Variants in LRRC4C observed in about 807,000 individuals in gnomAD.
The protein encoded by LRRC4C is leucine rich repeat containing 4C.
A neutral mutation model predicts 33.6 loss-of-function variants in LRRC4C; 5 were observed. The observed-to-expected ratio is 0.15, with a 90% CI of 0.08 to 0.31. The LOEUF (loss-of-function observed/expected upper bound fraction) is 0.31. LRRC4C is among the 10% of genes least tolerant of loss of function. LRRC4C has a pLI of 1.00. For missense variants in LRRC4C, 560 were observed against 796.7 expected, an observed-to-expected ratio of 0.70 and a Z score of 3.58; for synonymous variants, 329 against 302.0, an observed-to-expected ratio of 1.09 and a Z score of -0.93.
chr11:41,099,712 T>C (rs1380274684), intron 1 of LRRC4C, among the ~76,000 whole-genome samples: 7 of 152,252 alleles, frequency 4.6e-5, no homozygotes, highest in East Asian at 1.9e-4. Context: ...GAGCTATCTA[T>C]GACAAACCCA....
chr11:41,230,234 A>C (rs1276365783), intron 1 of LRRC4C, among the ~76,000 whole-genome samples: 1 of 152,064 alleles, frequency 6.6e-6, no homozygotes, highest in Non-Finnish European at 1.5e-5. Flanking sequence ...AACCTGTTTT[A>C]TGGGTTATAG....
At chr11:41,325,575 TTTTGTGTGTG>T (rs1184931467) in intron 1 of LRRC4C, among the ~76,000 whole-genome samples, 16 of 117,498 alleles carry the variant, frequency 1.4e-4, no homozygotes, top group Non-Finnish European at 2.5e-4. Context: ...AGTTTTTTTT[TTTTGTGTGTG>T]TGTGTGTGTG....
At chr11:41,142,092 A>G (rs1943531770) in intron 1 of LRRC4C, among the ~76,000 whole-genome samples, 1 of 152,156 alleles carries the variant, frequency 6.6e-6, no homozygotes, top group Admixed American at 6.6e-5. Context: ...CAATTACAAA[A>G]GTCCCAAACT....
At chr11:41,439,159 G>A (rs75372974) in intron 1 of LRRC4C, among the ~76,000 whole-genome samples, 6 of 152,100 alleles carry the variant, frequency 3.9e-5, no homozygotes, top group East Asian at 3.9e-4. Flanking sequence ...TTCATTTCAC[G>A]TAGGATAATG....
chr11:40,533,680 G>A (rs1241848729), intron 3 of LRRC4C, among the ~76,000 whole-genome samples: 4 of 152,110 alleles, frequency 2.6e-5, no homozygotes, highest in Admixed American at 6.6e-5. Context: ...CATAGTCAGA[G>A]AAGCTATCTC....
intron 2 of LRRC4C, among the ~76,000 whole-genome samples, chr11:40,726,278 A>T (rs57996778): frequency 0.076 from 11,533 of 152,108 alleles, 771 homozygotes; most frequent in African/African-American, 0.18. Flanking sequence ...ATCAAGGAGG[A>T]TGGATGCCTC....
chr11:40,304,252 G>A (rs1944918961), intron 4 of LRRC4C, among the ~76,000 whole-genome samples: 1 of 152,148 alleles, frequency 6.6e-6, no homozygotes, highest in South Asian at 2.1e-4. Flanking sequence ...ATTAAATTAA[G>A]CTTCAAGTCA....
intron 1 of LRRC4C, among the ~76,000 whole-genome samples, chr11:40,939,078 G>A (rs1592140717): frequency 6.6e-6 from 1 of 152,284 alleles, no homozygotes; most frequent in East Asian, 1.9e-4. Context: ...ATTATTCTGT[G>A]ATGATACATA....
chr11:40,614,101 C>T (rs927926749), intron 3 of LRRC4C, among the ~76,000 whole-genome samples: 6 of 151,798 alleles, frequency 4.0e-5, no homozygotes, highest in African/African-American at 1.2e-4. Flanking sequence ...CTTAACAAGA[C>T]AGTCAGCCTG....
intron 3 of LRRC4C, among the ~76,000 whole-genome samples, chr11:40,589,738 A>G (rs1179899818): frequency 0.013 from 1,897 of 150,152 alleles, 49 homozygotes; most frequent in African/African-American, 0.044. Context: ...CACTTATGAA[A>G]CTTAGTTTGG....
At chr11:40,178,902 A>G (rs1416420230) in intron 5 of LRRC4C, among the ~76,000 whole-genome samples, 4 of 152,044 alleles carry the variant, frequency 2.6e-5, no homozygotes, top group African/African-American at 9.7e-5. Flanking sequence ...AGTGATAGCT[A>G]GCTCTTCTCT....
At chr11:40,786,876 T>G (rs1485623119) in intron 2 of LRRC4C, among the ~76,000 whole-genome samples, 1 of 150,056 alleles carries the variant, frequency 6.7e-6, no homozygotes. Flanking sequence ...CAGAAAACAT[T>G]TGTAATAAGA....
chr11:40,598,235 G>T (rs1422609255), intron 3 of LRRC4C, among the ~76,000 whole-genome samples: 1 of 152,136 alleles, frequency 6.6e-6, no homozygotes, highest in African/African-American at 2.4e-5. Flanking sequence ...CATTTCTGTA[G>T]CACCTCTGCT....
intron 2 of LRRC4C, among the ~76,000 whole-genome samples, chr11:40,802,010 G>T (rs1331628658): frequency 6.6e-6 from 1 of 152,130 alleles, no homozygotes; most frequent in Non-Finnish European, 1.5e-5. Flanking sequence ...CATCCACCAG[G>T]CTTTTCTTCC....
intron 1 of LRRC4C, among the ~76,000 whole-genome samples, chr11:41,448,103 G>A (rs1041079190): frequency 1.0e-4 from 6 of 58,676 alleles, no homozygotes; most frequent in Non-Finnish European, 2.5e-4. Flanking sequence ...ACACACAAAC[G>A]AGGCTGCTGC....
intron 5 of LRRC4C, among the ~76,000 whole-genome samples, chr11:40,150,724 G>A (rs1040264052): frequency 3.3e-5 from 5 of 152,112 alleles, no homozygotes; most frequent in African/African-American, 1.2e-4. Flanking sequence ...GTTCAGGCAT[G>A]AGCCACCGTG....
chr11:40,495,817 T>G (rs1185326574), intron 3 of LRRC4C, among the ~76,000 whole-genome samples: 2 of 26,714 alleles, frequency 7.5e-5, no homozygotes. Flanking sequence ...AAACATGTTT[T>G]TTTTTTTTTT....
chr11:40,683,054 C>G (rs2136342700), intron 2 of LRRC4C, among the ~76,000 whole-genome samples: 1 of 152,264 alleles, frequency 6.6e-6, no homozygotes, highest in Admixed American at 6.5e-5. Flanking sequence ...AGACTAATAT[C>G]AGGTGATAAC....
At chr11:40,366,534 G>A (rs1948216089) in intron 3 of LRRC4C, among the ~76,000 whole-genome samples, 1 of 151,906 alleles carries the variant, frequency 6.6e-6, no homozygotes, top group Non-Finnish European at 1.5e-5. Context: ...CACATATTAT[G>A]CATATAAATA....
Sources: allele counts gnomAD v4.1 joint callset (sites outside exome capture counted in the v4.1 genomes callset), GRCh38; gene constraint gnomAD v4.1.1; transcripts MANE v1.5; gene names NCBI Gene and HGNC (gene_info 2026-07-23, HGNC 2026-07-21).